Variants in NKAIN2 observed in about 807,000 individuals in gnomAD.
NKAIN2 encodes the protein sodium/potassium transporting ATPase interacting 2.
A neutral mutation model predicts 32.6 loss-of-function variants in NKAIN2; 14 were observed. The ratio of observed to expected loss-of-function variants is 0.43; its 90% CI spans 0.28 to 0.67. The LOEUF is 0.67. Ranked by LOEUF, NKAIN2 falls within the 30% of genes least tolerant of loss-of-function variation. The pLI is 0.17. For missense variants in NKAIN2, 198 were observed against 258.3 expected (o/e 0.77, Z 1.60); for synonymous variants, 80 against 87.2 (o/e 0.92, Z 0.46).
intron 4 of NKAIN2, among the ~76,000 whole-genome samples, chr6:124,734,165 G>A (rs934008280): frequency 1.3e-5 from 2 of 151,474 alleles, no homozygotes; most frequent in East Asian, 1.9e-4. Flanking sequence ...ATTGGCCAAA[G>A]TGGAAATCAT....
intron 4 of NKAIN2, among the ~76,000 whole-genome samples, chr6:124,663,902 C>T (rs1166305319): frequency 1.3e-5 from 2 of 152,082 alleles, no homozygotes; most frequent in Non-Finnish European, 2.9e-5. Context: ...CAATGCTTCT[C>T]TATTTAGAGA....
intron 3 of NKAIN2, among the ~76,000 whole-genome samples, chr6:124,422,341 A>G (rs937465005): frequency 2.0e-5 from 3 of 151,996 alleles, no homozygotes; most frequent in African/African-American, 2.4e-5. Flanking sequence ...CAAGCAGAAG[A>G]ACAATAAAAA....
chr6:124,034,326 G>A (rs1440594037), intron 1 of NKAIN2, among the ~76,000 whole-genome samples: 1 of 151,850 alleles, frequency 6.6e-6, no homozygotes, highest in African/African-American at 2.4e-5. Flanking sequence ...TTGTTTCCAT[G>A]TGCACCCATT....
rs148039295 is a variant in NKAIN2 at position 124,567,532 on chromosome 6, C to T, written c.274-90654C>T. On this transcript the variant is annotated intron_variant, in intron 3 of 6. Coordinates refer to ENST00000368417, the MANE Select transcript of NKAIN2 (RefSeq NM_001040214.3). ...AGGGACCATCTATATTTTCTCTCAG[C>T]GTTTCTAACACTCAGCTTTTGCCAC... Among the ~76,000 whole-genome samples, 39 of 152,292 alleles carry T rather than the reference C, an allele frequency of 2.6e-4. 1 individual carries two copies. In the South Asian group the frequency reaches 5.2e-3, roughly 20 times the overall value.
At chr6:123,954,925 G>A (rs542475231) in intron 1 of NKAIN2, among the ~76,000 whole-genome samples, 69 of 152,194 alleles carry the variant, frequency 4.5e-4, no homozygotes, top group African/African-American at 1.6e-3. Context: ...GAAGAAATCA[G>A]TGATTTAGGG....
chr6:124,368,366 A>C (rs1042597973), intron 3 of NKAIN2, among the ~76,000 whole-genome samples: 1 of 152,146 alleles, frequency 6.6e-6, no homozygotes, highest in African/African-American at 2.4e-5. Context: ...TGGCAGCTAC[A>C]GTTCCTATGA....
intron 2 of NKAIN2, among the ~76,000 whole-genome samples, chr6:124,349,326 C>T (rs533892520): frequency 2.6e-5 from 4 of 152,198 alleles, no homozygotes; most frequent in African/African-American, 9.6e-5. Context: ...CCCGAGGCTC[C>T]ACCCCATTCT....
At chr6:124,243,538 C>T (rs1793223905) in intron 1 of NKAIN2, among the ~76,000 whole-genome samples, 1 of 151,692 alleles carries the variant, frequency 6.6e-6, no homozygotes, top group Non-Finnish European at 1.5e-5. Context: ...GATGCTGGAA[C>T]TGGGAAGTTT....
chr6:124,658,175 C>T lies in NKAIN2; in HGVS notation c.274-11C>T, dbSNP rs1180119431. On this transcript the variant is annotated splice_polypyrimidine_tract_variant and intron_variant, in intron 3 of 6. Coordinates refer to ENST00000368417, the MANE Select transcript of NKAIN2 (RefSeq NM_001040214.3). ...AAGTAATTCTCATCCTTGTAAATTG[C>T]CTTCTTGCAGGAAACAGACCTTATC... is the stretch of plus-strand genomic sequence containing the variant. 2 of 1,567,832 alleles carry T rather than the reference C, an allele frequency of 1.3e-6. No homozygotes were observed. Among genetic ancestry groups the T allele is most frequent in the East Asian group, 4.5e-5 (2 of 44,248 alleles).
Position 124,466,960 on chromosome 6 carries a change from T to C in NKAIN2, c.273+111613T>C, listed in dbSNP as rs187736858. On this transcript the variant is annotated intron_variant, in intron 3 of 6. Coordinates refer to ENST00000368417, the MANE Select transcript of NKAIN2 (RefSeq NM_001040214.3). ...TATTAGCAAAAGGTGTGGATAATAA[T>C]GCCCTTTTCATAATTATAAAAAATA... Among the ~76,000 whole-genome samples, 138 of 152,216 alleles carry C rather than the reference T, an allele frequency of 9.1e-4. No homozygotes were observed. In the East Asian group the frequency reaches 0.022, roughly 25 times the overall value.
intron 1 of NKAIN2, among the ~76,000 whole-genome samples, chr6:123,890,027 T>A (rs946049712): frequency 6.6e-6 from 1 of 152,090 alleles, no homozygotes; most frequent in African/African-American, 2.4e-5. Context: ...CTACCACTCA[T>A]CTTTGGTTCA....
intron 1 of NKAIN2, among the ~76,000 whole-genome samples, chr6:124,234,222 A>G (rs568184845): frequency 6.6e-6 from 1 of 152,304 alleles, no homozygotes; most frequent in East Asian, 1.9e-4. Flanking sequence ...TCAATGCTAC[A>G]GTTCCTAAAA....
intron 1 of NKAIN2, among the ~76,000 whole-genome samples, chr6:123,890,917 A>T (rs1206332607): frequency 1.3e-5 from 2 of 152,192 alleles, no homozygotes; most frequent in East Asian, 1.9e-4. Context: ...TACTCACAAT[A>T]GCTAAATTTT....
At position 124,453,355 on chromosome 6, in the gene NKAIN2, A is replaced by ACACACACACG. The variant is rs1554210273; in HGVS notation, c.273+98017_273+98018insGCACACACAC. 6.4e-3 allele frequency among the ~76,000 whole-genome samples: 877 copies of ACACACACACG among 136,760 alleles called. 54 individuals are homozygous for ACACACACACG. Among genetic ancestry groups the ACACACACACG allele is most frequent in the African/African-American group, 8.4e-3 (307 of 36,578 alleles). 89.7% of individuals were successfully genotyped at this position (136,760 alleles called of 152,430 possible). A position where few individuals can be genotyped will look rare whatever the true frequency, so the allele number is the denominator to read the frequency against. ...CACACACACACACACACACACACAC[A>ACACACACACG]CACACACACACACAGTTCTGAGGTC... is the stretch of plus-strand genomic sequence containing the variant. On this transcript the variant is annotated intron_variant, in intron 3 of 6. Transcript: ENST00000368417.
Position 124,515,713 on chromosome 6 carries a change from C to CGTTTTTTTTTTTTTTTT in NKAIN2, c.274-142473_274-142472insGTTTTTTTTTTTTTTTT, listed in dbSNP as rs1562232431. On this transcript the variant is annotated intron_variant, in intron 3 of 6. Transcript: ENST00000368417. ...CCTACTTCATTTTTCTTCGCTTTCT[C>CGTTTTTTTTTTTTTTTT]TCCGTCTCGCTCTGTCGCCCAGGCT... Among the ~76,000 whole-genome samples, 4 of 67,802 alleles carry CGTTTTTTTTTTTTTTTT rather than the reference C, an allele frequency of 5.9e-5. 1 individual carries two copies. Among genetic ancestry groups the CGTTTTTTTTTTTTTTTT allele is most frequent in the African/African-American group, 2.1e-4 (4 of 19,412 alleles). The allele number at this position is 67,802 out of a possible 152,430, so 44.5% of individuals were successfully genotyped here.
intron 1 of NKAIN2, among the ~76,000 whole-genome samples, chr6:123,972,023 A>T (rs1217998975): frequency 6.6e-6 from 1 of 152,178 alleles, no homozygotes; most frequent in Admixed American, 6.6e-5. Context: ...TTCCCCAACC[A>T]TTCAACATGA....
At chr6:124,609,638 C>T (rs1782619831) in intron 3 of NKAIN2, among the ~76,000 whole-genome samples, 1 of 152,088 alleles carries the variant, frequency 6.6e-6, no homozygotes, top group South Asian at 2.1e-4. Context: ...CCTGCCTCTC[C>T]CACTAGCTTG....
rs1316584843 is a variant in NKAIN2 at position 124,626,869 on chromosome 6, AGAG to A, written c.274-31313_274-31311del. 7.2e-5 allele frequency among the ~76,000 whole-genome samples: 11 copies of A among 152,300 alleles called. No homozygotes were observed. In the East Asian group the frequency reaches 1.7e-3, roughly 24 times the overall value. On this transcript the variant is annotated intron_variant, in intron 3 of 6. Transcript: ENST00000368417. Reference sequence around the variant, plus strand: ...AGTTGAGTCAGGCCAGAGCCCTTCCAGAGGAGAATGAAGCCCCTTTTTTGCCGT... The same window carrying A: ...AGTTGAGTCAGGCCAGAGCCCTTCCAGAGAATGAAGCCCCTTTTTTGCCGT...
At chr6:124,339,300 G>T (rs528885461) in intron 2 of NKAIN2, among the ~76,000 whole-genome samples, 29 of 114,402 alleles carry the variant, frequency 2.5e-4, no homozygotes, top group Admixed American at 8.9e-4. Context: ...AGCCGAGATC[G>T]CACCACTGCA....
Sources: gnomAD v4.1 joint callset for allele counts (sites outside exome capture counted in the v4.1 genomes callset) on GRCh38, gnomAD v4.1.1 for gene constraint, MANE v1.5 for transcripts, NCBI Gene and HGNC (gene_info 2026-07-23, HGNC 2026-07-21) for gene names.